MAP2K5: variants seen among roughly 807,000 people sequenced by gnomAD.
The protein encoded by MAP2K5 is mitogen-activated protein kinase kinase 5, also known as dual specificity mitogen-activated protein kinase kinase 5.
In MAP2K5, 49 loss-of-function variants were observed where a neutral mutation model predicts 83.1. That is an observed-to-expected ratio of 0.59 (90% confidence interval 0.47 to 0.75). The LOEUF is 0.75. Among genes scored for constraint, MAP2K5 ranks in the 30% least tolerant of loss-of-function variants. MAP2K5 has a pLI of 0.00. For synonymous variants in MAP2K5, 202 were observed against 191.8 expected (o/e 1.05, Z -0.44); for missense variants, 457 against 557.5 (o/e 0.82, Z 1.82).
Position 67,793,882 on chromosome 15 carries a change from C to T in MAP2K5, c.1243-12764C>T, listed in dbSNP as rs149479856. 0.023 allele frequency among the ~76,000 whole-genome samples: 3,479 copies of T among 152,216 alleles called. 57 individuals carry two copies. Among genetic ancestry groups the T allele is most frequent in the Middle Eastern group, 0.054 (16 of 294 alleles). On this transcript the variant is annotated intron_variant, in intron 21 of 21. Coordinates refer to ENST00000178640, the MANE Select transcript of MAP2K5 (RefSeq NM_145160.3). The surrounding 1 kb of genome is among the most constrained non-coding windows in gnomAD (Gnocchi z 4.6). The stretch of plus-strand genomic sequence containing the variant: ...AGAGGACCAAAGAGTCATGAATGTG[C>T]CAGGGAAAGTCCTTAGGTTCTAAAA...
chr15:67,771,729 C>G (rs537691450), intron 20 of MAP2K5, among the ~76,000 whole-genome samples: 1 of 152,156 alleles, frequency 6.6e-6, no homozygotes, highest in African/African-American at 2.4e-5. Flanking sequence ...AACTCCGATT[C>G]TTGTTTACCA....
At chr15:67,576,929 T>TA (rs544966694) in intron 3 of MAP2K5, among the ~76,000 whole-genome samples, 5,220 of 116,856 alleles carry the variant, frequency 0.045, 380 homozygotes, top group Admixed American at 0.087. Flanking sequence ...TATATATATA[T>TA]TTTTTTTTTT....
Position 67,637,273 on chromosome 15 carries a change from C to G in MAP2K5, c.585+6346C>G, listed in dbSNP as rs991739721. ...AATTCCCCTTCATATATACATCTATCCTATTAGTTCTGTCCCTCTAGAGAA... is the reference window on the plus strand; with the variant it reads ...AATTCCCCTTCATATATACATCTATGCTATTAGTTCTGTCCCTCTAGAGAA... On this transcript the variant is annotated intron_variant, in intron 9 of 21. Coordinates refer to ENST00000178640, the MANE Select transcript of MAP2K5 (RefSeq NM_145160.3). This position sits in a 1 kb window ranked among gnomAD's most constrained non-coding sequence, Gnocchi z 4.5. Among the ~76,000 whole-genome samples the G allele has an allele frequency of 6.6e-6, 1 of 152,164 alleles. No homozygotes were observed. Among genetic ancestry groups the G allele is most frequent in the East Asian group, 1.9e-4 (1 of 5,192 alleles).
intron 11 of MAP2K5, among the ~76,000 whole-genome samples, chr15:67,649,434 C>T (rs1266801022): frequency 6.6e-6 from 1 of 152,002 alleles, no homozygotes; most frequent in East Asian, 1.9e-4. Context: ...GTGATCCTCC[C>T]ACCTCAGCCT....
At chr15:67,798,744 A>G (rs1310151503) in intron 21 of MAP2K5, among the ~76,000 whole-genome samples, 1 of 152,194 alleles carries the variant, frequency 6.6e-6, no homozygotes, top group African/African-American at 2.4e-5. Flanking sequence ...TTCTATAGCA[A>G]TTATGAAGAA....
At chr15:67,732,250 G>T (rs561872607) in intron 17 of MAP2K5, among the ~76,000 whole-genome samples, 25 of 152,260 alleles carry the variant, frequency 1.6e-4, no homozygotes, top group African/African-American at 5.5e-4. Context: ...GTGGGCAATG[G>T]TTTGTTTAAT....
chr15:67,684,981 T>G (rs776013242), intron 13 of MAP2K5, among the ~76,000 whole-genome samples: 2 of 152,060 alleles, frequency 1.3e-5, no homozygotes. Flanking sequence ...GTCTAAGATA[T>G]ATGTGTTAAG....
Position 67,700,939 on chromosome 15 carries a change from A to G in MAP2K5, c.973-2398A>G, listed in dbSNP as rs77274143. On this transcript the variant is annotated intron_variant, in intron 15 of 21. Coordinates refer to ENST00000178640, the MANE Select transcript of MAP2K5 (RefSeq NM_145160.3). ...TTTCTATTTTTTCTTCTTAAATTTA[A>G]TTTAATTTTTCTATGCTTTATTATC... is the stretch of plus-strand genomic sequence containing the variant. Among the ~76,000 whole-genome samples the G allele has an allele frequency of 1.9e-3, 284 of 151,714 alleles. 9 individuals are homozygous for G. In the East Asian group the frequency reaches 0.05, roughly 27 times the overall value.
At position 67,722,859 on chromosome 15, in the gene MAP2K5, A is replaced by G. The variant is rs547450944; in HGVS notation, c.1045-5057A>G. Among the ~76,000 whole-genome samples the G allele has an allele frequency of 6.6e-6, 1 of 152,360 alleles. No individual in the cohort carries two copies. Among genetic ancestry groups the G allele is most frequent in the Admixed American group, 6.5e-5 (1 of 15,310 alleles). On this transcript the variant is annotated intron_variant, in intron 16 of 21. Transcript: ENST00000178640. The surrounding 1 kb of genome is among the most constrained non-coding windows in gnomAD (Gnocchi z 4.2). The stretch of plus-strand genomic sequence containing the variant: ...AAATGTACACAAGGTAATTAAGAAC[A>G]AATTTTAGAACATTTCAGACTATAA...
At chr15:67,762,263 C>CT (rs1386669936) in intron 19 of MAP2K5, among the ~76,000 whole-genome samples, 1 of 152,102 alleles carries the variant, frequency 6.6e-6, no homozygotes. Context: ...GCTGCTCTGC[C>CT]TAAGCCACTG....
At position 67,552,950 on chromosome 15, in the gene MAP2K5, A is replaced by G. The variant is rs1305134461; in HGVS notation, c.184+2868A>G. ...CTGGTTGTTCTTAAGCATGGTAAAA[A>G]GAAGTTTACTTTGTACTTTTTACTT... On this transcript the variant is annotated intron_variant, in intron 2 of 21. Transcript: ENST00000178640. This position sits in a 1 kb window ranked among gnomAD's most constrained non-coding sequence, Gnocchi z 4.2. 6.6e-6 allele frequency among the ~76,000 whole-genome samples: 1 copy of G among 152,194 alleles called. No homozygotes were observed. The highest frequency in any genetic ancestry group is 1.5e-5 in the Non-Finnish European group (1 of 68,022).
In MAP2K5 at chr15:67,758,263, C is replaced by T. The variant is rs2089878694; in HGVS notation, c.1134+9662C>T. On this transcript the variant is annotated intron_variant, in intron 19 of 21. Transcript: ENST00000178640. This position sits in a 1 kb window ranked among gnomAD's most constrained non-coding sequence, Gnocchi z 4.7. Reference sequence around the variant, plus strand: ...TTTGAAGGGTATTTAGGAGATGGAGCTAACTGCATTTGGTAAATAACTAGA... The same window carrying T: ...TTTGAAGGGTATTTAGGAGATGGAGTTAACTGCATTTGGTAAATAACTAGA... Among the ~76,000 whole-genome samples the T allele has an allele frequency of 6.6e-6, 1 of 152,032 alleles. No individual in the cohort carries two copies. The highest frequency in any genetic ancestry group is 1.5e-5 in the Non-Finnish European group (1 of 68,020).
chr15:67,568,547 G>T (rs947316175), intron 3 of MAP2K5, among the ~76,000 whole-genome samples: 5 of 152,106 alleles, frequency 3.3e-5, no homozygotes, highest in African/African-American at 1.2e-4. Context: ...GCAAGGCCTG[G>T]ATACAGACTC....
chr15:67,600,576 A>G, intron 7 of MAP2K5, 109 bp from the exon 8 acceptor site: 1 of 768,148 alleles, frequency 1.3e-6, no homozygotes. Flanking sequence ...TTTGCAGCTG[A>G]ACTTGAAATG....
chr15:67,675,927 G>A (rs771113484), intron 13 of MAP2K5, among the ~76,000 whole-genome samples: 7 of 152,164 alleles, frequency 4.6e-5, no homozygotes, highest in Admixed American at 1.3e-4. Context: ...AAGGAAAGAC[G>A]TCGTGTGTCA....
intron 8 of MAP2K5, among the ~76,000 whole-genome samples, chr15:67,605,937 T>G (rs1227613315): frequency 6.6e-6 from 1 of 152,204 alleles, no homozygotes; most frequent in Admixed American, 6.5e-5. Context: ...CTGAGGAGAT[T>G]GATATTCGAA....
chr15:67,616,174 T>A (rs2086049632), intron 8 of MAP2K5, among the ~76,000 whole-genome samples: 1 of 13,242 alleles, frequency 7.6e-5, no homozygotes, highest in African/African-American at 1.9e-4. Context: ...GGTTAATAAA[T>A]AAAATGTCAC....
rs1004748672 is a variant in MAP2K5, at chr15:67,804,522, C to G, written c.1243-2124C>G. On this transcript the variant is annotated intron_variant, in intron 21 of 21. Transcript: ENST00000178640. ...GGCTGCAGCTGAGCAGCCCTCTCCCCTCGCCTACCGGGGCACTTGGGCAAA... is the reference window on the plus strand; with the variant it reads ...GGCTGCAGCTGAGCAGCCCTCTCCCGTCGCCTACCGGGGCACTTGGGCAAA... 5.6e-4 allele frequency among the ~76,000 whole-genome samples: 86 copies of G among 152,388 alleles called. 1 individual carries two copies. The highest frequency in any genetic ancestry group is 2.0e-3 in the African/African-American group (84 of 41,596).
Position 67,579,623 on chromosome 15 carries a change from G to A in MAP2K5, c.253-1131G>A, listed in dbSNP as rs566591722. Among the ~76,000 whole-genome samples, 100 of 151,934 alleles carry A rather than the reference G, an allele frequency of 6.6e-4. 1 individual carries two copies. The highest frequency in any genetic ancestry group is 9.8e-4 in the Admixed American group (15 of 15,256). On this transcript the variant is annotated intron_variant, in intron 3 of 21. Transcript: ENST00000178640. ...CCTTCACTTTATTTGTTATTAGTGC[G>A]AACAGCCTTAGATGTATTAACTTGT...
Sources: allele counts gnomAD v4.1 joint callset (sites outside exome capture counted in the v4.1 genomes callset), GRCh38; gene constraint gnomAD v4.1.1; non-coding constraint Gnocchi (gnomAD v3.1); transcripts MANE v1.5; gene names NCBI Gene and HGNC (gene_info 2026-07-23, HGNC 2026-07-21).